CEP68: variants seen among roughly 807,000 people sequenced by gnomAD.
CEP68 encodes the protein centrosomal protein of 68 kDa.
CEP68 carries 26 observed loss-of-function variants against 55.3 expected under a neutral mutation model. The ratio of observed to expected loss-of-function variants is 0.47; its 90% CI spans 0.34 to 0.65. The LOEUF is 0.65. Ranked by LOEUF, CEP68 falls within the 30% of genes least tolerant of loss-of-function variation. The pLI is 0.01. For missense variants in CEP68, 957 were observed against 946.7 expected (o/e 1.01, Z -0.14); for synonymous variants, 402 against 383.2 (o/e 1.05, Z -0.57).
rs780295060 is a variant in CEP68, at chr2:65,071,785, C to T, written c.689C>T (p.Pro230Leu). Residue 230 changes from proline (P) to leucine (L), a missense_variant, in exon 3 of 7, where the codon CCG (proline) becomes CTG (leucine). Physicochemically the swap from Pro to Leu is moderately conservative, Grantham distance 98. Transcript: ENST00000377990. ...GCCAAGGTCTCCTCCTCCCTGGAGC[C>T]GGTCGTCCCCCAGGAACCTTCCTCT... ...SLAKVSSSLE[P>L]VVPQEPSSVV... The T allele has an allele frequency of 6.2e-6, 10 of 1,611,246 alleles. No homozygotes were observed. Among genetic ancestry groups the T allele is most frequent in the Middle Eastern group, 1.6e-4 (1 of 6,080 alleles).
intron 1 of CEP68, among the ~76,000 whole-genome samples, chr2:65,063,602 A>G (rs935847661): frequency 3.9e-5 from 6 of 152,208 alleles, no homozygotes; most frequent in Admixed American, 6.5e-5. Context: ...ACCTGAATCT[A>G]TCGCCCCCAC....
chr2:65,081,946 C>T (rs969162535), intron 5 of CEP68, among the ~76,000 whole-genome samples: 1 of 152,230 alleles, frequency 6.6e-6, no homozygotes, highest in African/African-American at 2.4e-5. Context: ...ATCCATCCGC[C>T]TTGGCCTCCC....
chr2:65,084,639 T>G lies in CEP68; in HGVS notation c.*1005T>G, dbSNP rs949552050. ...TTCTACAGAAAAGCACTTTTAAAGT[T>G]CTGTTGGGCCATGAATGAACCTGGA... On this transcript the variant is annotated 3_prime_UTR_variant, in exon 7 of 7. Transcript: ENST00000377990. 9.2e-5 allele frequency: 14 copies of G among 152,194 alleles called. No individual in the cohort carries two copies. The highest frequency in any genetic ancestry group is 2.4e-4 in the African/African-American group (10 of 41,438). 9.4% of individuals were successfully genotyped at this position (152,194 alleles called of 1,614,324 possible).
At chr2:65,080,538 T>A (rs1676962236) in intron 5 of CEP68, 1 of 985,366 alleles carries the variant, frequency 1.0e-6, no homozygotes, top group Non-Finnish European at 1.2e-6. Flanking sequence ...TTCAAAAGCG[T>A]CCGTGCGCAG....
At chr2:65,080,483 CTTTTA>C (rs1676959766) in intron 5 of CEP68, 2 of 985,300 alleles carry the variant, frequency 2.0e-6, no homozygotes, top group South Asian at 4.7e-5. Context: ...TTCCCAACTT[CTTTTA>C]TTTGGCCCCA....
intron 5 of CEP68, among the ~76,000 whole-genome samples, chr2:65,079,064 A>G (rs2103795907): frequency 1.3e-5 from 2 of 152,372 alleles, no homozygotes; most frequent in East Asian, 3.9e-4. Flanking sequence ...GCAAGACTGT[A>G]AATCAAGTGC....
rs761698255 is a variant in CEP68, at chr2:65,072,647, C to T, written c.1551C>T (p.Ser517=). 23 of 1,614,184 alleles carry T rather than the reference C, an allele frequency of 1.4e-5. No individual in the cohort carries two copies. The highest frequency in any genetic ancestry group is 1.9e-5 in the Non-Finnish European group (22 of 1,180,028). Residue 517 remains serine (S), a synonymous_variant, in exon 3 of 7, where the codon AGC becomes AGT. Coordinates refer to ENST00000377990, the MANE Select transcript of CEP68 (RefSeq NM_015147.3). ...CCACTGGGGATATCAAAGGGCAGAGCCCCTTGGAAGTGTCAGACAGTGATG... is the reference window on the plus strand; with the variant it reads ...CCACTGGGGATATCAAAGGGCAGAGTCCCTTGGAAGTGTCAGACAGTGATG... ...TLPTGDIKGQ[S]PLEVSDSDGP...
intron 2 of CEP68, 68 bp from the exon 3 acceptor site, chr2:65,071,386 T>C: frequency 7.5e-7 from 1 of 1,332,452 alleles, no homozygotes; most frequent in East Asian, 2.3e-5. Flanking sequence ...AACTCCTGGG[T>C]TGTCATCTAA....
intron 2 of CEP68, among the ~76,000 whole-genome samples, chr2:65,070,200 C>T (rs1676394998): frequency 6.6e-6 from 1 of 152,096 alleles, no homozygotes; most frequent in Non-Finnish European, 1.5e-5. Context: ...CTCCTGGGGG[C>T]TCTGAACCTA....
intron 4 of CEP68, among the ~76,000 whole-genome samples, chr2:65,075,432 G>A (rs1482080620): frequency 6.6e-6 from 1 of 152,042 alleles, no homozygotes; most frequent in Non-Finnish European, 1.5e-5. Flanking sequence ...ACGTCAGTTT[G>A]TGTGCGTGTG....
intron 1 of CEP68, among the ~76,000 whole-genome samples, chr2:65,061,515 T>A (rs11896065): frequency 0.039 from 5,891 of 152,368 alleles, 375 homozygotes; most frequent in African/African-American, 0.13. Flanking sequence ...GCAGACACAG[T>A]CTACCCTCCG....
chr2:65,059,899 C>T (rs10173227), intron 1 of CEP68, among the ~76,000 whole-genome samples: 8,258 of 152,062 alleles, frequency 0.054, 763 homozygotes, highest in African/African-American at 0.19. Context: ...CTAGTATCTA[C>T]ATTTGCTTTT....
intron 4 of CEP68, among the ~76,000 whole-genome samples, chr2:65,077,284 C>T (rs776705137): frequency 3.0e-4 from 45 of 152,152 alleles, no homozygotes; most frequent in Non-Finnish European, 6.2e-4. Context: ...AGGTGTGAGC[C>T]ACCGCGCCTG....
intron 3 of CEP68, 72 bp from the exon 4 acceptor site, chr2:65,074,210 T>C: frequency 6.4e-7 from 1 of 1,570,836 alleles, no homozygotes; most frequent in Non-Finnish European, 8.7e-7. Flanking sequence ...CCTCCTGATA[T>C]TTTTAGCCTT....
rs1296801040 is a variant in CEP68 at position 65,076,683 on chromosome 2, G to A, written c.2008-1185G>A. Among the ~76,000 whole-genome samples the A allele has an allele frequency of 2.0e-5, 3 of 152,220 alleles. No homozygotes were observed. The East Asian group carries it at 5.8e-4, about 29-fold the overall frequency. On this transcript the variant is annotated intron_variant, in intron 4 of 6. Transcript: ENST00000377990. Reference sequence around the variant, plus strand: ...GCACATAAACCACACTACAGTACTAGAGAATAAAATAATAAGTATAGGTAT... The same window carrying A: ...GCACATAAACCACACTACAGTACTAAAGAATAAAATAATAAGTATAGGTAT...
At chr2:65,065,193 A>G (rs1676108363) in intron 1 of CEP68, among the ~76,000 whole-genome samples, 1 of 152,228 alleles carries the variant, frequency 6.6e-6, no homozygotes, top group Admixed American at 6.5e-5. Flanking sequence ...GCAGAGGGCC[A>G]CTTGGCAGTG....
In CEP68 at chr2:65,080,129, T is replaced by G. The variant is rs537679752; in HGVS notation, c.2104+2165T>G. 6.6e-6 allele frequency: 4 copies of G among 607,860 alleles called. No individual in the cohort carries two copies. The South Asian group carries it at 2.9e-4, about 45-fold the overall frequency. The allele number at this position is 607,860 out of a possible 1,614,324, so 37.7% of individuals were successfully genotyped here. A position where few individuals can be genotyped will look rare whatever the true frequency, so the allele number is the denominator to read the frequency against. ...GCCTGGGCAACAAGAGCGAAATTCC[T>G]TCTCAAAAAAAAAAAAGGCCTCTTA... On this transcript the variant is annotated intron_variant, in intron 5 of 6. Transcript: ENST00000377990.
chr2:65,076,995 CTTTTT>C (rs573128823), intron 4 of CEP68, among the ~76,000 whole-genome samples: 2 of 118,284 alleles, frequency 1.7e-5, no homozygotes, highest in Non-Finnish European at 1.7e-5. Flanking sequence ...TTGACTTTAC[CTTTTT>C]TTTTTTTTTT....
chr2:65,082,134 G>A (rs1668857611), intron 5 of CEP68, among the ~76,000 whole-genome samples: 1 of 152,230 alleles, frequency 6.6e-6, no homozygotes, highest in South Asian at 2.1e-4. Flanking sequence ...CCTGGTAGCA[G>A]GGGTAAGCAT....
Sources: allele counts gnomAD v4.1 joint callset (sites outside exome capture counted in the v4.1 genomes callset), GRCh38; gene constraint gnomAD v4.1.1; transcripts MANE v1.5; gene names NCBI Gene and HGNC (gene_info 2026-07-23, HGNC 2026-07-21).